TRPS1: variants seen among roughly 807,000 people sequenced by gnomAD.
TRPS1 encodes the protein zinc finger transcription factor Trps1.
Under a neutral mutation model 101.2 loss-of-function variants are expected in TRPS1, and 6 were observed. That is an observed-to-expected ratio of 0.06 (90% CI 0.03 to 0.12). The LOEUF (loss-of-function observed/expected upper bound fraction) is 0.12, where lower values mean the gene tolerates loss of function less well. Ranked by LOEUF, TRPS1 falls within the 10% of genes least tolerant of loss-of-function variation. The probability of loss-of-function intolerance (pLI) is 1.00; values close to 1 mark genes in which losing one functional copy is unlikely to be tolerated. For missense variants in TRPS1, 1,363 were observed against 1,567.0 expected (o/e 0.87, Z 2.20); for synonymous variants, 578 against 589.8 (o/e 0.98, Z 0.29).
At chr8:115,508,541 A>T (rs1042897339) in intron 5 of TRPS1, among the ~76,000 whole-genome samples, 1 of 151,988 alleles carries the variant, frequency 6.6e-6, no homozygotes, top group Non-Finnish European at 1.5e-5. Flanking sequence ...CTTATATTTT[A>T]TATCAGTTTG....
At chr8:115,416,146 T>C (rs939406130) in intron 6 of TRPS1, among the ~76,000 whole-genome samples, 2 of 152,132 alleles carry the variant, frequency 1.3e-5, no homozygotes, top group African/African-American at 4.8e-5. Context: ...CATTCTACTC[T>C]TTACTTAAAG....
chr8:115,461,306 T>C (rs928270587), intron 5 of TRPS1, among the ~76,000 whole-genome samples: 15 of 105,268 alleles, frequency 1.4e-4, no homozygotes, highest in East Asian at 6.7e-4. Context: ...GATAGACAGA[T>C]ACATACATAC....
intron 5 of TRPS1, among the ~76,000 whole-genome samples, chr8:115,479,223 C>T (rs1004206652): frequency 1.3e-5 from 2 of 152,050 alleles, no homozygotes; most frequent in African/African-American, 4.8e-5. Flanking sequence ...TTGAACACTT[C>T]GTCAAAACTA....
Position 115,504,139 on chromosome 8 carries a change from C to T in TRPS1, c.2700+82862G>A, listed in dbSNP as rs190591290. Among the ~76,000 whole-genome samples, 146 of 152,244 alleles carry T rather than the reference C, an allele frequency of 9.6e-4. 1 individual carries two copies. Among genetic ancestry groups the T allele is most frequent in the Non-Finnish European group, 1.6e-3 (109 of 67,992 alleles). On this transcript the variant is annotated intron_variant, in intron 5 of 6. Transcript: ENST00000395715. The stretch of plus-strand genomic sequence containing the variant: ...TCCAATTGGTTACCAAGTGCTTTGG[C>T]TTCAATTCCACTACAACACTCCAAC...
At position 115,666,644 on chromosome 8, in the gene TRPS1, T is replaced by G. The variant is rs78711942; in HGVS notation, c.-122+1901A>C. Among the ~76,000 whole-genome samples the G allele has an allele frequency of 1.7e-3, 254 of 152,312 alleles. 4 individuals are homozygous for G. The East Asian group carries it at 0.035, about 21-fold the overall frequency. On this transcript the variant is annotated intron_variant, in intron 1 of 6. Coordinates refer to ENST00000395715, the MANE Select transcript of TRPS1 (RefSeq NM_014112.5). ...GGCAGCCTTTTCTAAATGATCAACT[T>G]TTTCTAAAACCAGCAGGAAAGTAAC...
intron 5 of TRPS1, among the ~76,000 whole-genome samples, chr8:115,580,428 C>T (rs146862920): frequency 1.3e-5 from 2 of 152,058 alleles, no homozygotes; most frequent in African/African-American, 4.8e-5. Flanking sequence ...ATCAACACTA[C>T]ATACCTCATT....
intron 1 of TRPS1, among the ~76,000 whole-genome samples, chr8:115,661,898 T>C (rs1485830204): frequency 6.6e-6 from 1 of 151,948 alleles, no homozygotes; most frequent in Non-Finnish European, 1.5e-5. Flanking sequence ...TTTATTGCTT[T>C]TCCTCATTTT....
intron 1 of TRPS1, chr8:115,668,211 G>C (rs1811975563): frequency 4.6e-6 from 2 of 433,356 alleles, no homozygotes; most frequent in East Asian, 7.9e-5. Flanking sequence ...CCAAAAGGAG[G>C]AGAGGAAGGG....
rs529155632 is a variant in TRPS1, at chr8:115,509,575, A to G, written c.2700+77426T>C. 3 of 152,146 alleles carry G rather than the reference A, an allele frequency of 2.0e-5. No homozygotes were observed. The East Asian group carries it at 5.8e-4, about 29-fold the overall frequency. The allele number at this position is 152,146 out of a possible 1,614,324, so 9.4% of individuals were successfully genotyped here. On this transcript the variant is annotated intron_variant, in intron 5 of 6. Transcript: ENST00000395715. Reference sequence around the variant, plus strand: ...CAATGCAGTAAATGGTTCCTTCAAGACTAATTAATGTTCTTATCATTTTAC... The same window carrying G: ...CAATGCAGTAAATGGTTCCTTCAAGGCTAATTAATGTTCTTATCATTTTAC...
intron 5 of TRPS1, among the ~76,000 whole-genome samples, chr8:115,483,125 ACACT>A (rs1245991352): frequency 6.6e-6 from 1 of 152,204 alleles, no homozygotes; most frequent in African/African-American, 2.4e-5. Context: ...CACAGAATAA[ACACT>A]CAGTCACTTT....
intron 5 of TRPS1, among the ~76,000 whole-genome samples, chr8:115,486,627 C>G (rs1814886503): frequency 6.6e-6 from 1 of 152,184 alleles, no homozygotes; most frequent in Non-Finnish European, 1.5e-5. Flanking sequence ...AGCAAAATTA[C>G]CTCATTGCTA....
intron 5 of TRPS1, among the ~76,000 whole-genome samples, chr8:115,493,672 C>T (rs531628972): frequency 6.6e-6 from 1 of 152,248 alleles, no homozygotes. Context: ...TTAAAAGGTA[C>T]ATCCAACATG....
At chr8:115,510,795 G>A (rs1417900686) in intron 5 of TRPS1, among the ~76,000 whole-genome samples, 4 of 151,856 alleles carry the variant, frequency 2.6e-5, no homozygotes, top group East Asian at 3.9e-4. Context: ...ATACTGAAGC[G>A]TTTTGTGGAA....
In TRPS1 at chr8:115,494,925, G is replaced by A. The variant is rs117081874; in HGVS notation, c.2701-76473C>T. ...GGTGAAATACCTTTTCATCCCACTC[G>A]GAGTGGAACTTCCTCCCTGCTCAGA... On this transcript the variant is annotated intron_variant, in intron 5 of 6. Coordinates refer to ENST00000395715, the MANE Select transcript of TRPS1 (RefSeq NM_014112.5). Among the ~76,000 whole-genome samples, 36 of 152,196 alleles carry A rather than the reference G, an allele frequency of 2.4e-4. No homozygotes were observed. The East Asian group carries it at 7.0e-3, about 29-fold the overall frequency.
intron 5 of TRPS1, among the ~76,000 whole-genome samples, chr8:115,438,428 G>A (rs1813510348): frequency 6.6e-6 from 1 of 152,112 alleles, no homozygotes; most frequent in Admixed American, 6.6e-5. Flanking sequence ...TCATTTTCTA[G>A]GTTCTGCTTC....
At chr8:115,490,495 G>A (rs1814994129) in intron 5 of TRPS1, among the ~76,000 whole-genome samples, 1 of 152,038 alleles carries the variant, frequency 6.6e-6, no homozygotes, top group South Asian at 2.1e-4. Context: ...TAGGGCTAAT[G>A]AATAATGTTC....
intron 1 of TRPS1, among the ~76,000 whole-genome samples, chr8:115,631,498 C>A (rs1161000692): frequency 6.6e-6 from 1 of 152,002 alleles, no homozygotes; most frequent in Non-Finnish European, 1.5e-5. Context: ...ATGATGGTGA[C>A]TATTGCAGAG....
chr8:115,496,359 C>A (rs79273952), intron 5 of TRPS1, among the ~76,000 whole-genome samples: 1 of 152,034 alleles, frequency 6.6e-6, no homozygotes, highest in Non-Finnish European at 1.5e-5. Context: ...AAGCAATGTA[C>A]TCTTTAACTG....
chr8:115,535,265 C>CAT (rs1189787131), intron 5 of TRPS1, among the ~76,000 whole-genome samples: 1 of 138,856 alleles, frequency 7.2e-6, no homozygotes, highest in Non-Finnish European at 1.5e-5. Flanking sequence ...ATATATATAG[C>CAT]ATATATATAG....
Sources: gnomAD v4.1 joint callset for allele counts (sites outside exome capture counted in the v4.1 genomes callset) on GRCh38, gnomAD v4.1.1 for gene constraint, MANE v1.5 for transcripts, NCBI Gene and HGNC (gene_info 2026-07-23, HGNC 2026-07-21) for gene names.